FOXP2: variants seen among roughly 807,000 people sequenced by gnomAD.
FOXP2 encodes the protein forkhead box protein P2.
In FOXP2, 12 loss-of-function variants were observed where a neutral mutation model predicts 115.8. That is an observed-to-expected ratio of 0.10 (90% confidence interval 0.07 to 0.17). The LOEUF (loss-of-function observed/expected upper bound fraction) is 0.17, where lower values mean the gene tolerates loss of function less well. FOXP2 is among the 10% of genes least tolerant of loss of function. The pLI is 1.00. For missense variants in FOXP2, 629 were observed against 843.5 expected (o/e 0.75, Z 3.15); for synonymous variants, 328 against 297.7 (o/e 1.10, Z -1.05).
Position 114,146,846 on chromosome 7 carries a change from G to A in FOXP2, c.-246-16098G>A, listed in dbSNP as rs140003860. Among the ~76,000 whole-genome samples, 472 of 152,244 alleles carry A rather than the reference G, an allele frequency of 3.1e-3. 3 individuals are homozygous for A. Among genetic ancestry groups the A allele is most frequent in the South Asian group, 0.02 (97 of 4,826 alleles). On this transcript the variant is annotated intron_variant, in intron 1 of 19. Transcript: ENST00000635638. ...GTTATGAAACCTCTGAATTGGAAAG[G>A]ATCTTAAAGGTCATCCAGTCCAACA...
intron 2 of FOXP2, among the ~76,000 whole-genome samples, chr7:114,355,744 G>A (rs939541729): frequency 6.6e-6 from 1 of 152,090 alleles, no homozygotes; most frequent in Admixed American, 6.6e-5. Flanking sequence ...TATGATGGCC[G>A]GGGCTAGTTG....
chr7:114,442,098 A>G (rs954203722), intron 2 of FOXP2, among the ~76,000 whole-genome samples: 1 of 152,226 alleles, frequency 6.6e-6, no homozygotes, highest in Non-Finnish European at 1.5e-5. Context: ...GAAATACCAC[A>G]AATGTACATT....
intron 2 of FOXP2, among the ~76,000 whole-genome samples, chr7:114,530,798 A>C (rs1799108390): frequency 6.6e-6 from 1 of 151,864 alleles, no homozygotes; most frequent in Non-Finnish European, 1.5e-5. Flanking sequence ...TTTCTTACAA[A>C]AATTTAGTTA....
chr7:114,640,327 G>A (rs1407701574), intron 6 of FOXP2, among the ~76,000 whole-genome samples: 1 of 151,984 alleles, frequency 6.6e-6, no homozygotes, highest in East Asian at 1.9e-4. Flanking sequence ...AAAAAAAATG[G>A]GTTGTAGTAA....
intron 2 of FOXP2, among the ~76,000 whole-genome samples, chr7:114,430,542 A>G (rs528804691): frequency 1.3e-5 from 2 of 151,922 alleles, no homozygotes; most frequent in South Asian, 2.1e-4. Context: ...GTTTACAACG[A>G]TATAGGAAAA....
chr7:114,507,484 C>T (rs573433809), intron 2 of FOXP2, among the ~76,000 whole-genome samples: 2 of 151,852 alleles, frequency 1.3e-5, no homozygotes, highest in East Asian at 1.9e-4. Flanking sequence ...TAAATATATT[C>T]CTTATCTCAA....
At chr7:114,404,192 CTT>C (rs1215905814) in intron 2 of FOXP2, among the ~76,000 whole-genome samples, 1 of 152,022 alleles carries the variant, frequency 6.6e-6, no homozygotes, top group Non-Finnish European at 1.5e-5. Flanking sequence ...ATAATTATGA[CTT>C]TACAATTTTG....
At chr7:114,208,811 T>A (rs999779855) in intron 1 of FOXP2, among the ~76,000 whole-genome samples, 3 of 152,124 alleles carry the variant, frequency 2.0e-5, no homozygotes, top group Non-Finnish European at 4.4e-5. Flanking sequence ...ATGTAAGACA[T>A]GACTTGCTCC....
intron 1 of FOXP2, among the ~76,000 whole-genome samples, chr7:114,251,082 G>A (rs762592547): frequency 2.0e-5 from 3 of 152,122 alleles, no homozygotes; most frequent in Non-Finnish European, 4.4e-5. Flanking sequence ...GCTTTTGTCA[G>A]ATTTGTCAAA....
At chr7:114,240,096 A>G (rs1795113338) in intron 1 of FOXP2, among the ~76,000 whole-genome samples, 1 of 152,176 alleles carries the variant, frequency 6.6e-6, no homozygotes, top group Non-Finnish European at 1.5e-5. Flanking sequence ...CACGTGATCA[A>G]GACTGAAATT....
chr7:114,339,725 T>C (rs1001746120), intron 2 of FOXP2, among the ~76,000 whole-genome samples: 1 of 151,166 alleles, frequency 6.6e-6, no homozygotes, highest in African/African-American at 2.4e-5. Flanking sequence ...TTCATAACTA[T>C]TTTTGTGACT....
intron 1 of FOXP2, among the ~76,000 whole-genome samples, chr7:114,183,273 C>T (rs1271183385): frequency 6.6e-6 from 1 of 152,048 alleles, no homozygotes; most frequent in African/African-American, 2.4e-5. Context: ...TCTTTTGCTG[C>T]CTCTTGTTCT....
At chr7:114,158,137 A>C (rs1025966795), upstream of FOXP2, among the ~76,000 whole-genome samples, 11 of 152,104 alleles carry the variant, frequency 7.2e-5, no homozygotes, top group Non-Finnish European at 1.6e-4. Flanking sequence ...TAGATGTTTT[A>C]AAGTGCTAAA....
chr7:114,267,075 G>A (rs1232318433), intron 1 of FOXP2, among the ~76,000 whole-genome samples: 1 of 152,162 alleles, frequency 6.6e-6, no homozygotes, highest in Non-Finnish European at 1.5e-5. Context: ...AAATGCTTTA[G>A]AGAAGAAGTT....
At chr7:114,275,651 T>C (rs1322337530) in intron 1 of FOXP2, among the ~76,000 whole-genome samples, 9 of 152,340 alleles carry the variant, frequency 5.9e-5, no homozygotes, top group Admixed American at 2.0e-4. Context: ...ATAGTTGTTT[T>C]ACATTCCTGG....
chr7:114,685,848 A>G (rs931933982), intron 16 of FOXP2, among the ~76,000 whole-genome samples: 1 of 152,204 alleles, frequency 6.6e-6, no homozygotes, highest in South Asian at 2.1e-4. Context: ...TTTAAAGGAA[A>G]TAATACAGTG....
chr7:114,467,311 T>G (rs1795846506), intron 2 of FOXP2, among the ~76,000 whole-genome samples: 1 of 152,208 alleles, frequency 6.6e-6, no homozygotes, highest in South Asian at 2.1e-4. Context: ...CTTTGAATTT[T>G]CATATAAAAA....
At position 114,426,601 on chromosome 7, in the gene FOXP2, C is replaced by A; in HGVS notation, c.90C>A (p.Gly30=). 1 of 1,611,708 alleles carries A rather than the reference C, an allele frequency of 6.2e-7. No individual in the cohort carries two copies. Among genetic ancestry groups the A allele is most frequent in the Non-Finnish European group, 8.5e-7 (1 of 1,178,448 alleles). Residue 30 remains glycine, a synonymous_variant, in exon 2 of 17, where the codon GGC becomes GGA. Coordinates refer to ENST00000350908, the MANE Select transcript of FOXP2 (RefSeq NM_014491.4). ...CTCTAAGCAGCCAATTAGATGCTGG[C>A]AGCAGAGATGGAAGATCAAGTGGTG... is the stretch of plus-strand genomic sequence containing the variant. ...MSTLSSQLDA[G]SRDGRSSGDT... is the part of the protein sequence containing the mutation.
chr7:114,415,455 T>TG, intron 1 of FOXP2, 95 bp downstream of exon 1: 4 of 239,310 alleles, frequency 1.7e-5, no homozygotes, highest in Non-Finnish European at 3.4e-5. Context: ...ATTGCTTTAC[T>TG]TTTTTTTTTT....
Sources: allele counts gnomAD v4.1 joint callset (sites outside exome capture counted in the v4.1 genomes callset), GRCh38; gene constraint gnomAD v4.1.1; transcripts MANE v1.5; gene names NCBI Gene and HGNC (gene_info 2026-07-23, HGNC 2026-07-21).